TMED3: variants seen among roughly 807,000 people sequenced by gnomAD.
TMED3 encodes transmembrane emp24 domain-containing protein 3.
In TMED3, 9 loss-of-function variants were observed where a neutral mutation model predicts 15.0. The ratio of observed to expected loss-of-function variants is 0.60; its 90% confidence interval spans 0.36 to 1.04. The LOEUF is 1.04. TMED3 is among the 50% of genes least tolerant of loss of function. The pLI is 0.01. For missense variants in TMED3, 267 were observed against 278.9 expected (o/e 0.96, Z 0.30); for synonymous variants, 117 against 121.4 (o/e 0.96, Z 0.24).
At chr15:79,332,611 G>A (rs1191451308) in intron 2 of TMED3, among the ~76,000 whole-genome samples, 3 of 152,208 alleles carry the variant, frequency 2.0e-5, no homozygotes, top group South Asian at 4.1e-4. Flanking sequence ...GTATGCTGGG[G>A]CAAGGCGGGC....
rs148386198 is a variant in TMED3, at chr15:79,400,839, G to A, written c.418-10561G>A. Among the ~76,000 whole-genome samples, 21 of 152,308 alleles carry A rather than the reference G, an allele frequency of 1.4e-4. No individual in the cohort carries two copies. The East Asian group carries it at 4.0e-3, about 29-fold the overall frequency. On this transcript the variant is annotated intron_variant, in intron 2 of 2. Transcript: ENST00000424155. ...ATCTTCCACAACAACGTAACAAACT[G>A]TCAGAATGAATAATAATTCTCCTGT...
intron 2 of TMED3, among the ~76,000 whole-genome samples, chr15:79,355,141 A>AGCTAG (rs1219920863): frequency 6.6e-6 from 1 of 152,152 alleles, no homozygotes; most frequent in Non-Finnish European, 1.5e-5. Flanking sequence ...TTCTGAAATG[A>AGCTAG]GCTAGGATAT....
At chr15:79,314,847 G>A (rs1191086793) in intron 2 of TMED3, among the ~76,000 whole-genome samples, 5 of 152,132 alleles carry the variant, frequency 3.3e-5, no homozygotes, top group African/African-American at 7.2e-5. Context: ...TGCTATTTAA[G>A]CCCCTCCTTC....
chr15:79,311,345 G>A lies in TMED3; in HGVS notation c.96G>A (p.Glu32=), dbSNP rs1184900941. 1 of 1,611,580 alleles carries A rather than the reference G, an allele frequency of 6.2e-7. No homozygotes were observed. The highest frequency in any genetic ancestry group is 8.5e-7 in the Non-Finnish European group (1 of 1,179,346). ...EQPCGAELTF[E]LPDNAKQCFH... is the part of the protein sequence containing the mutation. ...CCTGCGGGGCCGAGCTCACCTTCGAGCTGCCGGACAACGCCAAGCAGTGCT... is the reference window on the plus strand; with the variant it reads ...CCTGCGGGGCCGAGCTCACCTTCGAACTGCCGGACAACGCCAAGCAGTGCT... The change falls in exon 1 of 3, where the codon GAG becomes GAA. Residue 32 remains glutamate, a synonymous_variant. Transcript: ENST00000299705.
chr15:79,311,310 GCCGAGCA>G lies in TMED3; in HGVS notation c.62_68del (p.Ala21GlyfsTer27). On this transcript the variant is annotated frameshift_variant, in exon 1 of 3. Coordinates refer to ENST00000299705, the MANE Select transcript of TMED3 (RefSeq NM_007364.4). LOFTEE classifies it high-confidence loss of function. ...GCTTCTGCTGCTGCTCCTGCGCCGGGCCGAGCAGCCCTGCGGGGCCGAGCTCACCTTC... is the reference window on the plus strand; with the variant it reads ...GCTTCTGCTGCTGCTCCTGCGCCGGGGCCCTGCGGGGCCGAGCTCACCTTC... The G allele has an allele frequency of 6.2e-7, 1 of 1,608,642 alleles. No homozygotes were observed. Among genetic ancestry groups the G allele is most frequent in the East Asian group, 2.2e-5 (1 of 44,548 alleles).
chr15:79,395,641 C>A (rs1161970218), intron 2 of TMED3, among the ~76,000 whole-genome samples: 1 of 151,906 alleles, frequency 6.6e-6, no homozygotes, highest in East Asian at 1.9e-4. Context: ...TTTAGTTTGC[C>A]CTTTAACACG....
chr15:79,381,425 C>T (rs921743699), intron 2 of TMED3, among the ~76,000 whole-genome samples: 2 of 152,164 alleles, frequency 1.3e-5, no homozygotes, highest in Non-Finnish European at 2.9e-5. Flanking sequence ...TTGAGAGATG[C>T]ACACTTAGCA....
rs557051009 is a variant in TMED3, at chr15:79,375,569, A to T, written c.418-35831A>T. 1.6e-4 allele frequency among the ~76,000 whole-genome samples: 24 copies of T among 152,272 alleles called. No homozygotes were observed. In the South Asian group the frequency reaches 4.8e-3, roughly 30 times the overall value. On this transcript the variant is annotated intron_variant, in intron 2 of 2. Coordinates refer to the TMED3 transcript ENST00000424155. ...GGGAGGCCTCAGGAAGTTACCATTC[A>T]TGGTGGAAGGCAAAGTGGGAGCAAG...
At chr15:79,360,248 G>C (rs1024733067) in intron 2 of TMED3, among the ~76,000 whole-genome samples, 1 of 152,122 alleles carries the variant, frequency 6.6e-6, no homozygotes, top group African/African-American at 2.4e-5. Context: ...TGAGGGTTGA[G>C]CTGGGTGTGG....
chr15:79,366,098 C>A (rs1039376130), intron 2 of TMED3, among the ~76,000 whole-genome samples: 1 of 152,138 alleles, frequency 6.6e-6, no homozygotes, highest in South Asian at 2.1e-4. Context: ...TATAGGTCTG[C>A]CTTTCTTTAT....
At chr15:79,336,640 A>G (rs949056742) in intron 2 of TMED3, among the ~76,000 whole-genome samples, 1 of 152,184 alleles carries the variant, frequency 6.6e-6, no homozygotes, top group African/African-American at 2.4e-5. Context: ...CAGTGAGCCA[A>G]GATCACACCA....
At chr15:79,361,044 G>A (rs1893119503) in intron 2 of TMED3, among the ~76,000 whole-genome samples, 1 of 151,004 alleles carries the variant, frequency 6.6e-6, no homozygotes, top group Non-Finnish European at 1.5e-5. Context: ...TTTATTTTTT[G>A]TAGAGAGAGA....
At chr15:79,353,003 AAT>A (rs1282450909) in intron 2 of TMED3, among the ~76,000 whole-genome samples, 2 of 111,710 alleles carry the variant, frequency 1.8e-5, no homozygotes, top group Admixed American at 1.3e-4. Context: ...TGTTATATAA[AAT>A]ATATATTATA....
At chr15:79,314,033 G>T in intron 2 of TMED3, 28 bp downstream of exon 2, 1 of 1,612,744 alleles carries the variant, frequency 6.2e-7, no homozygotes, top group Non-Finnish European at 8.5e-7. Flanking sequence ...GTTCGGGGCT[G>T]CTGAACCCCC....
At chr15:79,326,874 GA>G (rs2058789347), downstream of TMED3, among the ~76,000 whole-genome samples, 2 of 152,106 alleles carry the variant, frequency 1.3e-5, no homozygotes, top group Non-Finnish European at 2.9e-5. Context: ...AACTTATAAA[GA>G]AAAAATGGTT....
chr15:79,364,684 G>C (rs939030102), intron 2 of TMED3, among the ~76,000 whole-genome samples: 2 of 151,808 alleles, frequency 1.3e-5, no homozygotes, highest in African/African-American at 4.8e-5. Context: ...AAAGAGAGAA[G>C]AGGAGGAATG....
chr15:79,356,380 G>A (rs2058918856), intron 2 of TMED3, among the ~76,000 whole-genome samples: 1 of 152,134 alleles, frequency 6.6e-6, no homozygotes, highest in Non-Finnish European at 1.5e-5. Flanking sequence ...CATAAAAGGT[G>A]CTCAATATAT....
chr15:79,382,939 G>A (rs781308493), intron 2 of TMED3: 3 of 1,534,446 alleles, frequency 2.0e-6, no homozygotes, highest in Middle Eastern at 1.7e-4. Flanking sequence ...AATTACAAGG[G>A]CATAAACACG....
At chr15:79,356,998 A>C (rs1373337092) in intron 2 of TMED3, among the ~76,000 whole-genome samples, 1 of 151,920 alleles carries the variant, frequency 6.6e-6, no homozygotes, top group Non-Finnish European at 1.5e-5. Context: ...TGAAAAACAG[A>C]ATGTGTAGTA....
Sources: allele counts gnomAD v4.1 joint callset (sites outside exome capture counted in the v4.1 genomes callset), GRCh38; gene constraint gnomAD v4.1.1; transcripts MANE v1.5; gene names NCBI Gene and HGNC (gene_info 2026-07-23, HGNC 2026-07-21).